The following PTGER3 variants were observed in gnomAD, a reference collection of about 807,000 sequenced individuals.
PTGER3 encodes prostaglandin E receptor 3.
Under a neutral mutation model 34.7 loss-of-function variants are expected in PTGER3, and 22 were observed. The ratio of observed to expected loss-of-function variants is 0.63; its 90% CI spans 0.45 to 0.91. The LOEUF (loss-of-function observed/expected upper bound fraction) is 0.91, where lower values mean the gene tolerates loss of function less well. Ranked by LOEUF, PTGER3 falls within the 40% of genes least tolerant of loss-of-function variation. The pLI, the probability that PTGER3 is intolerant of heterozygous loss-of-function variation, is 0.00. For synonymous variants in PTGER3, 241 were observed against 230.1 expected, an observed-to-expected ratio of 1.05 and a Z score of -0.43; for missense variants, 468 against 519.4, an observed-to-expected ratio of 0.90 and a Z score of 0.96.
Position 70,869,744 on chromosome 1 carries a change from C to T in PTGER3, c.*24-16885G>A, listed in dbSNP as rs955532565. 2.6e-5 allele frequency among the ~76,000 whole-genome samples: 4 copies of T among 152,282 alleles called. No homozygotes were observed. The South Asian group carries it at 6.2e-4, about 24-fold the overall frequency. ...CAAAATAGTCTCATTTGACTCCATGCCCCATATGCTGGACACAGTGGTGCA... is the reference window on the plus strand; with the variant it reads ...CAAAATAGTCTCATTTGACTCCATGTCCCATATGCTGGACACAGTGGTGCA... On this transcript the variant is annotated intron_variant, in intron 4 of 4. Transcript: ENST00000370931.
At chr1:70,969,974 C>G (rs74444418), downstream of PTGER3, among the ~76,000 whole-genome samples, 1,503 of 152,256 alleles carry the variant, frequency 9.9e-3, 29 homozygotes, top group African/African-American at 0.034. Context: ...ATGCAATTAA[C>G]TTTCTCAGAG....
intron 2 of PTGER3, among the ~76,000 whole-genome samples, chr1:70,964,862 C>T (rs1652344793): frequency 6.6e-6 from 1 of 152,162 alleles, no homozygotes; most frequent in African/African-American, 2.4e-5. Context: ...TTTGTTTGTA[C>T]CAGCTCTATG....
chr1:70,927,596 G>A (rs990140890), intron 4 of PTGER3, among the ~76,000 whole-genome samples: 2 of 152,076 alleles, frequency 1.3e-5, no homozygotes. Context: ...GCAGGCTCTG[G>A]AAATATAGAT....
At chr1:71,040,580 A>G (rs1660229583) in intron 1 of PTGER3, among the ~76,000 whole-genome samples, 1 of 152,164 alleles carries the variant, frequency 6.6e-6, no homozygotes, top group African/African-American at 2.4e-5. Context: ...AATGCACTCC[A>G]GCCTAGGCAA....
At chr1:70,969,725 C>T (rs370600081), downstream of PTGER3, among the ~76,000 whole-genome samples, 1 of 152,116 alleles carries the variant, frequency 6.6e-6, no homozygotes, top group Non-Finnish European at 1.5e-5. Context: ...ACAAGAATAG[C>T]ATCCAAAGGA....
At chr1:70,931,754 G>C (rs1309934638) in intron 4 of PTGER3, among the ~76,000 whole-genome samples, 1 of 152,152 alleles carries the variant, frequency 6.6e-6, no homozygotes, top group Non-Finnish European at 1.5e-5. Flanking sequence ...CCCTGACCCT[G>C]GTCCACAAAA....
chr1:70,970,693 A>G, downstream of PTGER3: 1 of 262,218 alleles, frequency 3.8e-6, no homozygotes, highest in Non-Finnish European at 5.9e-6. Context: ...GGAGGAAGAG[A>G]AAAAAAAGGA....
At chr1:70,948,944 C>T (rs1036066332), downstream of PTGER3, among the ~76,000 whole-genome samples, 2 of 152,072 alleles carry the variant, frequency 1.3e-5, no homozygotes, top group African/African-American at 2.4e-5. Flanking sequence ...AATTAGAGCA[C>T]GCTTCTCAAA....
chr1:71,009,714 CA>C, intron 2 of PTGER3: 8 of 985,158 alleles, frequency 8.1e-6, no homozygotes, highest in Non-Finnish European at 9.6e-6. Flanking sequence ...ACCAATACTT[CA>C]AAATTCAGGA....
intron 4 of PTGER3, among the ~76,000 whole-genome samples, chr1:70,859,182 A>G (rs1645874876): frequency 6.6e-6 from 1 of 152,204 alleles, no homozygotes; most frequent in South Asian, 2.1e-4. Flanking sequence ...GCTGAATTTC[A>G]TCCTCTTGCT....
intron 4 of PTGER3, among the ~76,000 whole-genome samples, chr1:70,946,371 T>C (rs1205508785): frequency 6.6e-6 from 1 of 152,034 alleles, no homozygotes; most frequent in South Asian, 2.1e-4. Context: ...GTTAAGCAAA[T>C]TTCCCCAAAT....
At chr1:70,952,388 A>G (rs1650848289), downstream of PTGER3, 3 of 978,456 alleles carry the variant, frequency 3.1e-6, no homozygotes, top group South Asian at 9.4e-5. Context: ...AGGTTAATGT[A>G]GGTTTTATAG....
chr1:71,038,360 C>G (rs902359578), intron 1 of PTGER3, among the ~76,000 whole-genome samples: 1 of 152,114 alleles, frequency 6.6e-6, no homozygotes, highest in Non-Finnish European at 1.5e-5. Flanking sequence ...CCAACATGGC[C>G]TTTTGTTTTT....
chr1:70,865,757 A>G (rs1557613670), intron 4 of PTGER3: 1 of 1,367,354 alleles, frequency 7.3e-7, no homozygotes, highest in South Asian at 1.1e-5. Context: ...GGGAAAGGAC[A>G]AATCCAAGAA....
At chr1:70,984,386 C>CAAA (rs66985528) in intron 2 of PTGER3, among the ~76,000 whole-genome samples, 1 of 138,080 alleles carries the variant, frequency 7.2e-6, no homozygotes. Context: ...GACTCTGCCT[C>CAAA]AAAAAAAAAA....
At chr1:71,007,233 TA>T in intron 2 of PTGER3, 1 of 985,260 alleles carries the variant, frequency 1.0e-6, no homozygotes, top group South Asian at 4.7e-5. Context: ...ACCATGTAAA[TA>T]GTACTTACAT....
intron 3 of PTGER3, among the ~76,000 whole-genome samples, chr1:70,973,224 TA>T (rs1246751948): frequency 1.2e-3 from 22 of 19,062 alleles, no homozygotes; most frequent in Middle Eastern, 0.024. Flanking sequence ...AGATAGATGA[TA>T]GATAGATAGA....
chr1:70,988,353 T>G (rs1003845032), intron 2 of PTGER3, among the ~76,000 whole-genome samples: 9 of 152,130 alleles, frequency 5.9e-5, no homozygotes, highest in African/African-American at 2.2e-4. Context: ...GCATCCACTC[T>G]CCTCTCTTTC....
intron 4 of PTGER3, among the ~76,000 whole-genome samples, chr1:70,870,233 T>C (rs111650691): frequency 0.016 from 2,400 of 152,296 alleles, 64 homozygotes; most frequent in African/African-American, 0.055. Context: ...CTTTGAGCCA[T>C]GGCTAGTGCT....
Sources: allele counts gnomAD v4.1 joint callset (sites outside exome capture counted in the v4.1 genomes callset), GRCh38; gene constraint gnomAD v4.1.1; transcripts MANE v1.5; gene names NCBI Gene and HGNC (gene_info 2026-07-23, HGNC 2026-07-21).